The following CTNNA2 variants were observed in gnomAD, a reference collection of about 807,000 sequenced individuals.
The protein encoded by CTNNA2 is catenin alpha-2.
In CTNNA2, 42 loss-of-function variants were observed where a neutral mutation model predicts 101.0. That is an observed-to-expected ratio of 0.42 (90% CI 0.32 to 0.54). The LOEUF (loss-of-function observed/expected upper bound fraction) is 0.54. CTNNA2 is among the 20% of genes least tolerant of loss of function. The pLI is 0.14. For missense variants in CTNNA2, 871 were observed against 1,223.1 expected (o/e 0.71, Z 4.29); for synonymous variants, 450 against 456.4 (o/e 0.99, Z 0.18).
chr2:80,444,107 G>T (rs1682855151), intron 9 of CTNNA2, among the ~76,000 whole-genome samples: 1 of 152,200 alleles, frequency 6.6e-6, no homozygotes, highest in African/African-American at 2.4e-5. Flanking sequence ...CTGAATGTCA[G>T]TTTTCCCTGT....
intron 7 of CTNNA2, among the ~76,000 whole-genome samples, chr2:80,345,299 C>G (rs1672635534): frequency 6.6e-6 from 1 of 152,170 alleles, no homozygotes; most frequent in Admixed American, 6.5e-5. Flanking sequence ...AGCAATGTTC[C>G]TGCTTCAGAG....
chr2:80,037,519 G>C (rs979291762), intron 7 of CTNNA2, among the ~76,000 whole-genome samples: 1 of 152,178 alleles, frequency 6.6e-6, no homozygotes, highest in Non-Finnish European at 1.5e-5. Flanking sequence ...TTAATAGCTT[G>C]ATAATGTGAC....
intron 7 of CTNNA2, among the ~76,000 whole-genome samples, chr2:80,188,121 T>A (rs538789938): frequency 1.3e-5 from 2 of 152,314 alleles, no homozygotes; most frequent in African/African-American, 4.8e-5. Flanking sequence ...ATTTTCGAAT[T>A]TCATCTGTTA....
chr2:79,305,513 T>G (rs1184778876), intron 2 of CTNNA2, among the ~76,000 whole-genome samples: 1 of 148,998 alleles, frequency 6.7e-6, no homozygotes, highest in Non-Finnish European at 1.5e-5. Context: ...TTTTATTATA[T>G]TCTACACTCT....
chr2:79,975,100 A>G (rs933061423), intron 7 of CTNNA2, among the ~76,000 whole-genome samples: 10 of 152,128 alleles, frequency 6.6e-5, no homozygotes, highest in Admixed American at 1.3e-4. Context: ...TTCATGAGGT[A>G]CGGAGCACTT....
intron 7 of CTNNA2, among the ~76,000 whole-genome samples, chr2:79,978,597 A>G (rs1269434959): frequency 1.3e-5 from 2 of 152,170 alleles, no homozygotes; most frequent in African/African-American, 4.8e-5. Flanking sequence ...TTACCAGTCT[A>G]GAAGCCTTAA....
rs140179662 is a variant in CTNNA2 at position 80,635,470 on chromosome 2, A to C, written c.2575-12115A>C. Among the ~76,000 whole-genome samples the C allele has an allele frequency of 2.5e-3, 384 of 152,306 alleles. 4 individuals are homozygous for C. Among genetic ancestry groups the C allele is most frequent in the African/African-American group, 8.8e-3 (367 of 41,574 alleles). ...TAATTCTAATTTCTGTAATGAAAAA[A>C]GAGTTGAAATTTTAGGTTAATGTAG... On this transcript the variant is annotated intron_variant, in intron 18 of 18. Transcript: ENST00000402739.
At chr2:79,690,740 C>G (rs568636440) in intron 2 of CTNNA2, among the ~76,000 whole-genome samples, 39 of 151,888 alleles carry the variant, frequency 2.6e-4, no homozygotes, top group African/African-American at 9.4e-4. Context: ...GGATTTACAC[C>G]CAGGCTGCAG....
chr2:79,232,808 T>A (rs997309059), intron 2 of CTNNA2, among the ~76,000 whole-genome samples: 1 of 152,190 alleles, frequency 6.6e-6, no homozygotes, highest in Non-Finnish European at 1.5e-5. Context: ...TTCTCTAGAT[T>A]TTTAAATTTT....
At chr2:79,776,967 C>G (rs767956896) in intron 3 of CTNNA2, 1 of 152,114 alleles carries the variant, frequency 6.6e-6, no homozygotes, top group Non-Finnish European at 1.5e-5. Context: ...GGAATTAACT[C>G]ACAACTTGAT....
chr2:80,162,984 C>A, intron 7 of CTNNA2: 1 of 1,548,494 alleles, frequency 6.5e-7, no homozygotes. Context: ...GGCATGACTA[C>A]TTCCTGATCT....
At chr2:79,693,758 C>T (rs748055341) in intron 2 of CTNNA2, among the ~76,000 whole-genome samples, 29 of 151,764 alleles carry the variant, frequency 1.9e-4, no homozygotes, top group Non-Finnish European at 3.4e-4. Flanking sequence ...ATGTTCTCAC[C>T]CATTCTACCT....
chr2:79,848,405 C>G (rs908953652), intron 3 of CTNNA2, among the ~76,000 whole-genome samples: 4 of 152,146 alleles, frequency 2.6e-5, no homozygotes, highest in African/African-American at 9.7e-5. Context: ...AAGGCCAAAA[C>G]AATAATCACC....
chr2:80,621,565 T>C (rs1234873868), intron 18 of CTNNA2, among the ~76,000 whole-genome samples: 1 of 151,988 alleles, frequency 6.6e-6, no homozygotes, highest in African/African-American at 2.4e-5. Context: ...GACCGATTCA[T>C]GTTTTAACTC....
intron 9 of CTNNA2, among the ~76,000 whole-genome samples, chr2:80,453,234 G>T (rs1683668728): frequency 6.6e-6 from 1 of 152,118 alleles, no homozygotes; most frequent in Non-Finnish European, 1.5e-5. Context: ...TCTGTGCAAG[G>T]TTGAGCAGGC....
chr2:80,467,975 A>T (rs960838909), intron 9 of CTNNA2, among the ~76,000 whole-genome samples: 7 of 152,212 alleles, frequency 4.6e-5, no homozygotes, highest in African/African-American at 1.7e-4. Context: ...CCAACAAACT[A>T]AGATACAAAC....
chr2:80,281,776 A>G (rs1487917161), intron 7 of CTNNA2, among the ~76,000 whole-genome samples: 2 of 151,908 alleles, frequency 1.3e-5, no homozygotes, highest in African/African-American at 4.8e-5. Flanking sequence ...TATAATACTA[A>G]TAAGTGAATA....
At chr2:80,012,342 A>T (rs912414748) in intron 7 of CTNNA2, among the ~76,000 whole-genome samples, 1 of 152,146 alleles carries the variant, frequency 6.6e-6, no homozygotes, top group Non-Finnish European at 1.5e-5. Context: ...GGTCCATGAG[A>T]GGCTGATGAA....
At chr2:80,202,066 C>A (rs986742932) in intron 7 of CTNNA2, among the ~76,000 whole-genome samples, 1 of 152,170 alleles carries the variant, frequency 6.6e-6, no homozygotes, top group Admixed American at 6.5e-5. Flanking sequence ...CTAGCTTCAA[C>A]TGATGCTGCC....
Sources: gnomAD v4.1 joint callset for allele counts (sites outside exome capture counted in the v4.1 genomes callset) on GRCh38, gnomAD v4.1.1 for gene constraint, MANE v1.5 for transcripts, NCBI Gene and HGNC (gene_info 2026-07-23, HGNC 2026-07-21) for gene names.